Variants in CSGALNACT1 observed in about 807,000 individuals in gnomAD.
CSGALNACT1 encodes the protein beta4GalNAcT-1.
In CSGALNACT1, 52 loss-of-function variants were observed where a neutral mutation model predicts 51.0. The observed-to-expected ratio is 1.02, with a 90% CI of 0.82 to 1.29. The LOEUF is 1.29. Ranked by LOEUF, CSGALNACT1 falls within the 50% of genes most tolerant of loss-of-function variation. The pLI is 0.00. For synonymous variants in CSGALNACT1, 341 were observed against 254.4 expected (o/e 1.34, Z -3.24); for missense variants, 935 against 679.2 (o/e 1.38, Z -4.19).
At chr8:19,556,342 A>G (rs1342399257) in intron 3 of CSGALNACT1, among the ~76,000 whole-genome samples, 1 of 151,360 alleles carries the variant, frequency 6.6e-6, no homozygotes, top group Non-Finnish European at 1.5e-5. Flanking sequence ...CACCATTTGC[A>G]CTCCAGCCTA....
chr8:19,413,869 C>T (rs1235513221), intron 8 of CSGALNACT1, among the ~76,000 whole-genome samples: 1 of 152,158 alleles, frequency 6.6e-6, no homozygotes, highest in Non-Finnish European at 1.5e-5. Context: ...CACCTGGCAA[C>T]AAGGCTGGCT....
At chr8:19,743,966 GA>G (rs776060369) in intron 1 of CSGALNACT1, among the ~76,000 whole-genome samples, 13 of 150,036 alleles carry the variant, frequency 8.7e-5, no homozygotes, top group African/African-American at 2.4e-4. Flanking sequence ...AATAAGAAAG[GA>G]AAAAAAAAGA....
At chr8:19,561,725 G>A (rs997024372) in intron 3 of CSGALNACT1, among the ~76,000 whole-genome samples, 1 of 152,190 alleles carries the variant, frequency 6.6e-6, no homozygotes, top group African/African-American at 2.4e-5. Flanking sequence ...CTAGAAACTA[G>A]CACAAGAACA....
Position 19,447,451 on chromosome 8 carries a change from C to T in CSGALNACT1, c.852-7520G>A, listed in dbSNP as rs75489972. On this transcript the variant is annotated intron_variant, in intron 5 of 9. Transcript: ENST00000454498. ...GGACTGGTGACAGGCTGATCTGAGG[C>T]CTGATTTGAGGAGGGGTTGTACCCT... 7.5e-3 allele frequency among the ~76,000 whole-genome samples: 1,139 copies of T among 152,244 alleles called. 15 individuals carry two copies. Among genetic ancestry groups the T allele is most frequent in the African/African-American group, 0.026 (1,086 of 41,528 alleles).
intron 6 of CSGALNACT1, among the ~76,000 whole-genome samples, chr8:19,436,340 C>A (rs2060373646): frequency 6.6e-6 from 1 of 152,132 alleles, no homozygotes; most frequent in South Asian, 2.1e-4. Context: ...TATGCTAACA[C>A]TGTGAGTCTA....
chr8:19,426,858 G>C (rs187250748), intron 6 of CSGALNACT1, among the ~76,000 whole-genome samples: 4 of 152,250 alleles, frequency 2.6e-5, no homozygotes, highest in Admixed American at 2.0e-4. Context: ...CTCTAATATA[G>C]ACTTTTCCCC....
At chr8:19,482,040 C>T (rs1026147832) in intron 4 of CSGALNACT1, among the ~76,000 whole-genome samples, 2 of 152,118 alleles carry the variant, frequency 1.3e-5, no homozygotes, top group African/African-American at 4.8e-5. Flanking sequence ...CTCTTTCCAT[C>T]AAATCGCTCA....
At chr8:19,642,943 TA>T (rs2056894232) in intron 1 of CSGALNACT1, among the ~76,000 whole-genome samples, 1 of 152,084 alleles carries the variant, frequency 6.6e-6, no homozygotes, top group African/African-American at 2.4e-5. Context: ...TTCATGTAAA[TA>T]ATACAGTTAA....
intron 1 of CSGALNACT1, among the ~76,000 whole-genome samples, chr8:19,662,596 C>T (rs2058855520): frequency 6.6e-6 from 1 of 152,150 alleles, no homozygotes; most frequent in African/African-American, 2.4e-5. Flanking sequence ...GGAAGACCTC[C>T]CATTCTATTA....
intron 4 of CSGALNACT1, among the ~76,000 whole-genome samples, chr8:19,497,907 A>G (rs2153978810): frequency 6.6e-6 from 1 of 152,200 alleles, no homozygotes; most frequent in South Asian, 2.1e-4. Context: ...TAAGACCGGG[A>G]AGCCCCCTCC....
rs116517787 is a variant in CSGALNACT1 at position 19,473,628 on chromosome 8, C to T, written c.635-14986G>A. On this transcript the variant is annotated intron_variant, in intron 4 of 9. Transcript: ENST00000454498. ...AGTCTTAAAAATTAGACCACAGTAT[C>T]TGTTCAAAGCCTCAACATCAACTGC... 8.3e-3 allele frequency among the ~76,000 whole-genome samples: 1,269 copies of T among 152,298 alleles called. 17 individuals are homozygous for T. Among genetic ancestry groups the T allele is most frequent in the African/African-American group, 0.028 (1,178 of 41,552 alleles).
chr8:19,467,527 A>G (rs966437933), intron 4 of CSGALNACT1, among the ~76,000 whole-genome samples: 5 of 152,188 alleles, frequency 3.3e-5, no homozygotes, highest in Non-Finnish European at 7.3e-5. Context: ...TGAGTAGAAA[A>G]TGAAGGCAGG....
At chr8:19,422,191 A>C (rs2058056558) in intron 6 of CSGALNACT1, among the ~76,000 whole-genome samples, 1 of 152,130 alleles carries the variant, frequency 6.6e-6, no homozygotes. Flanking sequence ...CTTGTATATA[A>C]TACACTTTTT....
chr8:19,458,448 G>T (rs758294544), exon 5 of CSGALNACT1: 2 of 1,614,104 alleles, frequency 1.2e-6, no homozygotes, highest in Non-Finnish European at 1.7e-6. Context: ...ATGAACTGCC[G>T]GAACTTGTCC....
At chr8:19,685,661 A>G (rs972183164), upstream of CSGALNACT1, among the ~76,000 whole-genome samples, 2 of 152,186 alleles carry the variant, frequency 1.3e-5, no homozygotes, top group Non-Finnish European at 2.9e-5. Context: ...CTCAGGCTGA[A>G]GGTGCCCCTG....
chr8:19,698,025 C>T (rs2061668711), intron 1 of CSGALNACT1, among the ~76,000 whole-genome samples: 1 of 152,094 alleles, frequency 6.6e-6, no homozygotes, highest in Non-Finnish European at 1.5e-5. Context: ...ATTAGAAAGT[C>T]ATGGTGAGAA....
chr8:19,559,856 C>A (rs2040315219), intron 3 of CSGALNACT1, among the ~76,000 whole-genome samples: 1 of 152,166 alleles, frequency 6.6e-6, no homozygotes, highest in Admixed American at 6.5e-5. Context: ...CCAATAAAAA[C>A]CCCAAGACTT....
intron 3 of CSGALNACT1, among the ~76,000 whole-genome samples, chr8:19,557,111 G>A (rs893898696): frequency 1.3e-5 from 2 of 152,104 alleles, no homozygotes; most frequent in Non-Finnish European, 2.9e-5. Context: ...CTGTTGAGGT[G>A]CCTGGAATTT....
In CSGALNACT1 at chr8:19,505,614, C is replaced by A. The variant is rs771997899; in HGVS notation, c.221G>T (p.Ser74Ile). 2.5e-6 allele frequency: 4 copies of A among 1,614,140 alleles called. No homozygotes were observed. The East Asian group carries it at 8.9e-5, about 36-fold the overall frequency. The change falls in exon 4 of 10, where the codon AGC becomes ATC. Residue 74 changes from serine to isoleucine, a missense_variant. Transcript: ENST00000454498. ...GAGCTGTGCGATCTGCCGCTTCAGG[C>A]TGCTCACGTAGTTGCGGTGCTGCTC...
Sources: gnomAD v4.1 joint callset for allele counts (sites outside exome capture counted in the v4.1 genomes callset) on GRCh38, gnomAD v4.1.1 for gene constraint, MANE v1.5 for transcripts, NCBI Gene and HGNC (gene_info 2026-07-23, HGNC 2026-07-21) for gene names.